The following ASCC3 variants were observed in gnomAD, a reference collection of about 807,000 sequenced individuals.
ASCC3 encodes ASC-1 complex subunit P200.
In ASCC3, 158 loss-of-function variants were observed where a neutral mutation model predicts 256.3. That is an observed-to-expected ratio of 0.62 (90% CI 0.54 to 0.70). The LOEUF (loss-of-function observed/expected upper bound fraction) is 0.70, where lower values mean the gene tolerates loss of function less well. ASCC3 is among the 30% of genes least tolerant of loss of function. The probability of loss-of-function intolerance (pLI) is 0.00; values close to 1 mark genes in which losing one functional copy is unlikely to be tolerated. For synonymous variants in ASCC3, 948 were observed against 883.4 expected, an observed-to-expected ratio of 1.07 and a Z score of -1.30; for missense variants, 2,259 against 2,626.0, an observed-to-expected ratio of 0.86 and a Z score of 3.05.
intron 30 of ASCC3, among the ~76,000 whole-genome samples, chr6:100,608,142 A>ATGTATATAAATATG: frequency 7.9e-6 from 1 of 126,916 alleles, no homozygotes; most frequent in Non-Finnish European, 1.6e-5. Flanking sequence ...ATATGTATAT[A>ATGTATATAAATATG]TATCTATATA....
intron 4 of ASCC3, among the ~76,000 whole-genome samples, chr6:100,824,500 C>G (rs1467996081): frequency 6.6e-6 from 1 of 152,112 alleles, no homozygotes; most frequent in Non-Finnish European, 1.5e-5. Flanking sequence ...AATGAGACAT[C>G]CTTATCGCTT....
At chr6:100,621,789 G>A (rs971690925) in intron 30 of ASCC3, among the ~76,000 whole-genome samples, 5 of 152,106 alleles carry the variant, frequency 3.3e-5, no homozygotes, top group East Asian at 1.9e-4. Context: ...ACGTGCACAC[G>A]TATGTTCACT....
At chr6:100,756,855 T>G (rs1038746185) in intron 10 of ASCC3, among the ~76,000 whole-genome samples, 3 of 152,098 alleles carry the variant, frequency 2.0e-5, no homozygotes, top group African/African-American at 7.2e-5. Context: ...ATATAAAATT[T>G]TTTTTTAAAA....
intron 25 of ASCC3, among the ~76,000 whole-genome samples, chr6:100,637,099 A>G (rs1774881053): frequency 6.6e-6 from 1 of 152,202 alleles, no homozygotes; most frequent in African/African-American, 2.4e-5. Context: ...TTTCACAGGT[A>G]GAGAGGAGAA....
intron 36 of ASCC3, among the ~76,000 whole-genome samples, chr6:100,561,434 A>T (rs1769946449): frequency 6.6e-6 from 1 of 152,088 alleles, no homozygotes; most frequent in Non-Finnish European, 1.5e-5. Context: ...TAACTATCAC[A>T]TCATATTCCC....
intron 36 of ASCC3, among the ~76,000 whole-genome samples, chr6:100,558,514 C>A (rs1250347468): frequency 2.0e-5 from 3 of 151,978 alleles, no homozygotes; most frequent in Non-Finnish European, 4.4e-5. Flanking sequence ...GGTTTGCAAG[C>A]CATATCTCAA....
chr6:100,769,484 T>G (rs1781820212), intron 8 of ASCC3, among the ~76,000 whole-genome samples: 2 of 151,784 alleles, frequency 1.3e-5, no homozygotes, highest in South Asian at 2.1e-4. Flanking sequence ...CCATTATTTA[T>G]TATTTGTCAA....
intron 34 of ASCC3, among the ~76,000 whole-genome samples, chr6:100,601,521 T>C (rs1424781665): frequency 2.0e-5 from 3 of 152,128 alleles, no homozygotes; most frequent in African/African-American, 7.2e-5. Context: ...TATCATGTAG[T>C]TTAGCACATT....
chr6:100,848,790 TCTC>T, intron 3 of ASCC3, 83 bp from the exon 4 acceptor site: 1 of 1,318,806 alleles, frequency 7.6e-7, no homozygotes, highest in Non-Finnish European at 1.1e-6. Context: ...CCACAAATAT[TCTC>T]CTGAGTAAAT....
rs755001608 is a variant in ASCC3 at position 100,644,097 on chromosome 6, A to C, written c.3666T>G (p.Ile1222Met). The C allele has an allele frequency of 6.2e-6, 10 of 1,612,820 alleles. No homozygotes were observed. The highest frequency in any genetic ancestry group is 5.9e-6 in the Non-Finnish European group (7 of 1,179,344). Reference sequence around the variant, plus strand: ...GATCATTTGTAGGATCTTCTACCCAAATCCACCAAGGTTCTCCTACTGTCC... The same window carrying C: ...GATCATTTGTAGGATCTTCTACCCACATCCACCAAGGTTCTCCTACTGTCC... The part of the protein sequence containing the change: ...VHGTVGEPWW[I>M]WVEDPTNDHI... The change falls in exon 23 of 42, where the codon ATT (isoleucine) becomes ATG (methionine). Residue 1222 changes from isoleucine to methionine, a missense_variant. Ile to Met is a conservative substitution (Grantham distance 10). This residue lies in a region of ASCC3 where 1,839 missense variants were observed against 2,206.7 expected (regional missense o/e 0.83). Transcript: ENST00000369162.
intron 20 of ASCC3, among the ~76,000 whole-genome samples, chr6:100,647,879 AAAT>A (rs1055034637): frequency 4.6e-5 from 7 of 152,114 alleles, no homozygotes; most frequent in Non-Finnish European, 1.0e-4. Context: ...TAGGGAAAAA[AAAT>A]AATGAGAGAA....
chr6:100,550,425 A>G (rs1769231552), intron 36 of ASCC3, among the ~76,000 whole-genome samples: 1 of 151,988 alleles, frequency 6.6e-6, no homozygotes, highest in Admixed American at 6.6e-5. Flanking sequence ...AACCTCTGAA[A>G]GTGTGAACAT....
At chr6:100,639,658 A>C (rs1364252963) in intron 24 of ASCC3, among the ~76,000 whole-genome samples, 1 of 152,212 alleles carries the variant, frequency 6.6e-6, no homozygotes, top group Non-Finnish European at 1.5e-5. Context: ...TTCAAAATGA[A>C]AGTATGGCAA....
chr6:100,547,287 G>T (rs1177175331), intron 36 of ASCC3, among the ~76,000 whole-genome samples: 1 of 151,752 alleles, frequency 6.6e-6, no homozygotes, highest in Non-Finnish European at 1.5e-5. Flanking sequence ...AGAAAACACA[G>T]AACATCTTTG....
intron 36 of ASCC3, among the ~76,000 whole-genome samples, chr6:100,584,346 C>G (rs534030213): frequency 6.6e-6 from 1 of 151,468 alleles, no homozygotes; most frequent in South Asian, 2.1e-4. Flanking sequence ...ATGTAATGGC[C>G]TTCTTTGTGT....
chr6:100,642,776 A>G, intron 23 of ASCC3, 27 bp from the exon 24 acceptor site: 3 of 1,580,276 alleles, frequency 1.9e-6, no homozygotes, highest in Non-Finnish European at 2.6e-6. Flanking sequence ...TCAAAAATAA[A>G]TATGGATATT....
chr6:100,859,032 A>T, intron 3 of ASCC3: 1 of 728,750 alleles, frequency 1.4e-6, no homozygotes, highest in Non-Finnish European at 2.6e-6. Context: ...AAGGTTTTTA[A>T]TTACAGATTA....
chr6:100,572,521 T>C (rs372635883), intron 36 of ASCC3, among the ~76,000 whole-genome samples: 11 of 152,204 alleles, frequency 7.2e-5, no homozygotes, highest in Admixed American at 3.3e-4. Flanking sequence ...GAAAAGGGAA[T>C]AGGGCATAGG....
intron 36 of ASCC3, among the ~76,000 whole-genome samples, chr6:100,554,982 A>C (rs925974765): frequency 2.0e-5 from 3 of 151,948 alleles, no homozygotes; most frequent in Non-Finnish European, 4.4e-5. Context: ...TTATCTATTC[A>C]AACTTTATAA....
Sources: gnomAD v4.1 joint callset for allele counts (sites outside exome capture counted in the v4.1 genomes callset) on GRCh38, gnomAD v4.1.1 for gene constraint, gnomAD v4.1.1 regional missense constraint, MANE v1.5 for transcripts, NCBI Gene and HGNC (gene_info 2026-07-23, HGNC 2026-07-21) for gene names.